HCN1: variants seen among roughly 807,000 people sequenced by gnomAD.
HCN1 encodes hyperpolarization activated cyclic nucleotide gated potassium channel 1.
In HCN1, 13 loss-of-function variants were observed where a neutral mutation model predicts 78.9. The ratio of observed to expected loss-of-function variants is 0.16; its 90% CI spans 0.11 to 0.26. The LOEUF (loss-of-function observed/expected upper bound fraction) is 0.26, where lower values mean the gene tolerates loss of function less well. Ranked by LOEUF, HCN1 falls within the 10% of genes least tolerant of loss-of-function variation. The probability of loss-of-function intolerance (pLI) is 1.00; values close to 1 mark genes in which losing one functional copy is unlikely to be tolerated. For synonymous variants in HCN1, 552 were observed against 455.5 expected (o/e 1.21, Z -2.70); for missense variants, 810 against 1,154.3 (o/e 0.70, Z 4.32).
At chr5:45,471,685 A>T (rs1434791861) in intron 2 of HCN1, among the ~76,000 whole-genome samples, 1 of 151,942 alleles carries the variant, frequency 6.6e-6, no homozygotes, top group African/African-American at 2.4e-5. Context: ...TTCTTCAATC[A>T]TTTGAATTGG....
chr5:45,623,530 T>C (rs1745108174), intron 2 of HCN1, among the ~76,000 whole-genome samples: 1 of 152,218 alleles, frequency 6.6e-6, no homozygotes, highest in Non-Finnish European at 1.5e-5. Context: ...TCCCATCTTC[T>C]ATTATTTCTG....
At chr5:45,295,216 A>G (rs1324648458) in intron 6 of HCN1, among the ~76,000 whole-genome samples, 1 of 152,028 alleles carries the variant, frequency 6.6e-6, no homozygotes, top group East Asian at 1.9e-4. Flanking sequence ...CAGGTAATCC[A>G]CATGCCTGGA....
intron 7 of HCN1, among the ~76,000 whole-genome samples, chr5:45,266,629 C>G (rs1190287040): frequency 1.3e-5 from 2 of 151,588 alleles, no homozygotes; most frequent in African/African-American, 4.8e-5. Flanking sequence ...GGACCCAGAT[C>G]TCTCAAGAAA....
intron 2 of HCN1, among the ~76,000 whole-genome samples, chr5:45,607,249 G>A (rs1172242101): frequency 2.0e-5 from 3 of 151,724 alleles, no homozygotes; most frequent in Non-Finnish European, 4.4e-5. Context: ...TATCAAGGAA[G>A]AAAGGCATTT....
chr5:45,678,791 C>T (rs1410279162), intron 1 of HCN1, among the ~76,000 whole-genome samples: 1 of 151,874 alleles, frequency 6.6e-6, no homozygotes, highest in Non-Finnish European at 1.5e-5. Context: ...ACATGTCTTC[C>T]TGAATAAGAA....
At chr5:45,487,064 T>G (rs1741783826) in intron 2 of HCN1, among the ~76,000 whole-genome samples, 1 of 152,126 alleles carries the variant, frequency 6.6e-6, no homozygotes, top group South Asian at 2.1e-4. Flanking sequence ...AATTGTTTCT[T>G]ACTTCCTTAA....
At chr5:45,600,676 G>A (rs1224066296) in intron 2 of HCN1, among the ~76,000 whole-genome samples, 1 of 152,108 alleles carries the variant, frequency 6.6e-6, no homozygotes, top group East Asian at 1.9e-4. Context: ...TCTGAGAAAT[G>A]GCCAATTCAT....
intron 2 of HCN1, among the ~76,000 whole-genome samples, chr5:45,470,058 C>T (rs897342606): frequency 3.3e-5 from 5 of 151,966 alleles, no homozygotes; most frequent in Admixed American, 2.6e-4. Flanking sequence ...GAAAAACAGG[C>T]TTCTGAAAAA....
At chr5:45,660,378 G>A (rs1745903860) in intron 1 of HCN1, among the ~76,000 whole-genome samples, 1 of 119,908 alleles carries the variant, frequency 8.3e-6, no homozygotes, top group Admixed American at 8.3e-5. Context: ...ATCGAGACTA[G>A]GAAGAAACTG....
intron 2 of HCN1, among the ~76,000 whole-genome samples, chr5:45,593,322 CCTCTCT>C (rs58723059): frequency 8.1e-6 from 1 of 123,730 alleles, no homozygotes; most frequent in South Asian, 2.6e-4. Context: ...TCTCTCTCTC[CCTCTCT>C]CTCTCTCTCT....
At chr5:45,332,471 C>T (rs1746364863) in intron 5 of HCN1, among the ~76,000 whole-genome samples, 1 of 150,850 alleles carries the variant, frequency 6.6e-6, no homozygotes, top group East Asian at 1.9e-4. Flanking sequence ...TAACCATCCT[C>T]ACCTTCCCCC....
chr5:45,435,788 T>C (rs1740551006), intron 3 of HCN1, among the ~76,000 whole-genome samples: 1 of 151,982 alleles, frequency 6.6e-6, no homozygotes, highest in South Asian at 2.1e-4. Flanking sequence ...CCCGCAAATA[T>C]ACCAAAAAAA....
chr5:45,607,502 C>T (rs1382766056), intron 2 of HCN1, among the ~76,000 whole-genome samples: 1 of 150,702 alleles, frequency 6.6e-6, no homozygotes, highest in Non-Finnish European at 1.5e-5. Flanking sequence ...CTAGAAATTT[C>T]CTTATTTAAT....
At chr5:45,385,688 T>C (rs1182670222) in intron 4 of HCN1, among the ~76,000 whole-genome samples, 1 of 152,192 alleles carries the variant, frequency 6.6e-6, no homozygotes. Context: ...TTAAATACTT[T>C]AAAAACTGGG....
In HCN1 at chr5:45,696,010, C is replaced by T. The variant is rs1377682866; in HGVS notation, c.84G>A (p.Thr28=). ...NSVFPAKASA[T]GAGPAAAEKR... ...TCTCGGCCGCGGCCGGCCCCGCGCC[C>T]GTCGCGGACGCCTTGGCGGGGAAGA... Residue 28 remains threonine, a synonymous_variant, in exon 1 of 8, where the codon ACG becomes ACA. Coordinates refer to ENST00000303230, the MANE Select transcript of HCN1 (RefSeq NM_021072.4). 2.8e-5 allele frequency: 37 copies of T among 1,302,510 alleles called. No homozygotes were observed. The highest frequency in any genetic ancestry group is 4.7e-5 in the African/African-American group (3 of 64,322). The allele number at this position is 1,302,510 out of a possible 1,614,324, so 80.7% of individuals were successfully genotyped here.
At chr5:45,459,714 G>A (rs745735493) in intron 3 of HCN1, among the ~76,000 whole-genome samples, 9 of 151,812 alleles carry the variant, frequency 5.9e-5, no homozygotes, top group Admixed American at 1.3e-4. Context: ...GATGACAATT[G>A]GTATTTTTCT....
intron 2 of HCN1, among the ~76,000 whole-genome samples, chr5:45,613,817 C>A (rs1744889656): frequency 6.6e-6 from 1 of 151,914 alleles, no homozygotes; most frequent in Non-Finnish European, 1.5e-5. Context: ...GAAAAAAAAA[C>A]TTGCCATATC....
chr5:45,371,122 T>TAAGGGG (rs1483282111), intron 4 of HCN1, among the ~76,000 whole-genome samples: 3 of 151,986 alleles, frequency 2.0e-5, no homozygotes, highest in Non-Finnish European at 4.4e-5. Context: ...GGGACTCAGC[T>TAAGGGG]AAGGCAGCGA....
chr5:45,522,524 ATC>A (rs1345924260), intron 2 of HCN1, among the ~76,000 whole-genome samples: 2 of 152,024 alleles, frequency 1.3e-5, no homozygotes, highest in Non-Finnish European at 2.9e-5. Flanking sequence ...GCAAAAATTA[ATC>A]TTACTTAAAT....
Sources: allele counts gnomAD v4.1 joint callset (sites outside exome capture counted in the v4.1 genomes callset), GRCh38; gene constraint gnomAD v4.1.1; transcripts MANE v1.5; gene names NCBI Gene and HGNC (gene_info 2026-07-23, HGNC 2026-07-21).